CTNND2: variants seen among roughly 807,000 people sequenced by gnomAD.
CTNND2 encodes the protein catenin delta 2, also known as catenin delta-2.
Under a neutral mutation model 144.4 loss-of-function variants are expected in CTNND2, and 22 were observed. That is an observed-to-expected ratio of 0.15 (90% CI 0.11 to 0.22). CTNND2 has a LOEUF of 0.22. CTNND2 is among the 10% of genes least tolerant of loss of function. The pLI is 1.00. For synonymous variants in CTNND2, 751 were observed against 695.6 expected (o/e 1.08, Z -1.25); for missense variants, 1,353 against 1,618.8 (o/e 0.84, Z 2.82).
chr5:11,784,659 G>A (rs990959914), intron 1 of CTNND2, among the ~76,000 whole-genome samples: 2 of 152,216 alleles, frequency 1.3e-5, no homozygotes, highest in African/African-American at 4.8e-5. Context: ...AAGTGAACTG[G>A]TTTTAAAAAG....
Position 11,435,183 on chromosome 5 carries a change from G to A in CTNND2, c.288-23114C>T, listed in dbSNP as rs556631450. On this transcript the variant is annotated intron_variant, in intron 3 of 21. Transcript: ENST00000304623. ...AGACAGAGTCTCACTCTGTCACCCA[G>A]GATGGAGTACAGTGGCGCGATCACA... Among the ~76,000 whole-genome samples, 135 of 151,678 alleles carry A rather than the reference G, an allele frequency of 8.9e-4. 1 individual carries two copies. Among genetic ancestry groups the A allele is most frequent in the Admixed American group, 1.8e-3 (27 of 15,222 alleles).
At chr5:11,334,668 G>A (rs1430221824) in intron 9 of CTNND2, among the ~76,000 whole-genome samples, 1 of 152,134 alleles carries the variant, frequency 6.6e-6, no homozygotes, top group East Asian at 1.9e-4. Flanking sequence ...CAAAGATGGG[G>A]GAGCCACCCT....
chr5:11,685,798 T>C (rs1197895515), intron 2 of CTNND2, among the ~76,000 whole-genome samples: 2 of 152,218 alleles, frequency 1.3e-5, no homozygotes, highest in Admixed American at 6.5e-5. Context: ...GTGAGAATTA[T>C]TTCCCAGTCT....
intron 2 of CTNND2, among the ~76,000 whole-genome samples, chr5:11,573,621 G>A (rs1395005718): frequency 6.6e-6 from 1 of 152,170 alleles, no homozygotes; most frequent in Admixed American, 6.5e-5. Context: ...TCATTGGTGA[G>A]TCAGAAACTG....
intron 9 of CTNND2, among the ~76,000 whole-genome samples, chr5:11,284,385 T>A (rs917611440): frequency 6.6e-6 from 1 of 152,168 alleles, no homozygotes; most frequent in East Asian, 1.9e-4. Context: ...AGGCTCAACA[T>A]GCATTAGCTC....
chr5:11,431,503 G>T (rs1046961949), intron 3 of CTNND2, among the ~76,000 whole-genome samples: 6 of 152,146 alleles, frequency 3.9e-5, no homozygotes, highest in African/African-American at 1.2e-4. Flanking sequence ...GCATCTTAAG[G>T]CAAGGCTTAA....
intron 2 of CTNND2, among the ~76,000 whole-genome samples, chr5:11,680,336 C>G (rs1361745513): frequency 6.6e-6 from 1 of 152,128 alleles, no homozygotes; most frequent in Non-Finnish European, 1.5e-5. Flanking sequence ...CCCACCCACA[C>G]CCCCACATTT....
intron 2 of CTNND2, among the ~76,000 whole-genome samples, chr5:11,704,795 T>C (rs1400363386): frequency 6.6e-6 from 1 of 151,862 alleles, no homozygotes; most frequent in Non-Finnish European, 1.5e-5. Context: ...AAAAGCTGCC[T>C]ACATAAAGCA....
At chr5:11,007,964 A>G (rs1242611840) in intron 18 of CTNND2, among the ~76,000 whole-genome samples, 1 of 152,180 alleles carries the variant, frequency 6.6e-6, no homozygotes. Flanking sequence ...CTTGTCTCTA[A>G]AAGAAAAAGG....
At position 11,093,002 on chromosome 5, in the gene CTNND2, T is replaced by G. The variant is rs903703147; in HGVS notation, c.2637+5573A>C. Among the ~76,000 whole-genome samples the G allele has an allele frequency of 2.6e-5, 4 of 152,238 alleles. 1 individual carries two copies. Among genetic ancestry groups the G allele is most frequent in the Admixed American group, 2.6e-4 (4 of 15,286 alleles). On this transcript the variant is annotated intron_variant, in intron 15 of 21. Coordinates refer to ENST00000304623, the MANE Select transcript of CTNND2 (RefSeq NM_001332.4). ...AGTTCTCTTGCATTTTTTATTCATT[T>G]GGGGCACACGGCCAGAGATTCTGTT...
rs146910825 is a variant in CTNND2, at chr5:11,068,325, C to T, written c.2788+14371G>A. 3.9e-3 allele frequency among the ~76,000 whole-genome samples: 601 copies of T among 152,212 alleles called. 4 individuals are homozygous for T. The highest frequency in any genetic ancestry group is 0.012 in the African/African-American group (499 of 41,534). ...CTGGGTCAGGCTCAGGTGATTCCAC[C>T]GTGCATCCAACTTTAAGAATGGTGT... is the stretch of plus-strand genomic sequence containing the variant. On this transcript the variant is annotated intron_variant, in intron 16 of 21. Transcript: ENST00000304623.
chr5:11,450,695 C>T (rs978072870), intron 3 of CTNND2, among the ~76,000 whole-genome samples: 9 of 151,840 alleles, frequency 5.9e-5, no homozygotes, highest in South Asian at 4.2e-4. Context: ...GTCAGGAGAT[C>T]GAGACCATCC....
chr5:11,199,539 G>A lies in CTNND2; in HGVS notation c.1884C>T (p.Asn628=), dbSNP rs917378509. Residue 628 remains asparagine, a synonymous_variant, in exon 11 of 22, where the codon AAC becomes AAT. Coordinates refer to ENST00000304623, the MANE Select transcript of CTNND2 (RefSeq NM_001332.4). ...CACCACAGTTTTTCAGGGCAATTTTGTTATCATCGTTGGCCTTCCCATACA... is the reference window on the plus strand; with the variant it reads ...CACCACAGTTTTTCAGGGCAATTTTATTATCATCGTTGGCCTTCCCATACA... ...NLVYGKANDD[N]KIALKNCGGI... is the part of the protein sequence containing the mutation. 6 of 1,614,074 alleles carry A rather than the reference G, an allele frequency of 3.7e-6. No individual in the cohort carries two copies. In the African/African-American group the frequency reaches 8.0e-5, roughly 22 times the overall value.
chr5:11,789,105 T>C (rs1344908680), intron 1 of CTNND2, among the ~76,000 whole-genome samples: 1 of 152,094 alleles, frequency 6.6e-6, no homozygotes, highest in Non-Finnish European at 1.5e-5. Flanking sequence ...ATAGGAACAC[T>C]TTTACACTGT....
intron 14 of CTNND2, among the ~76,000 whole-genome samples, chr5:11,101,290 T>C (rs1429736666): frequency 6.6e-6 from 1 of 152,192 alleles, no homozygotes; most frequent in East Asian, 1.9e-4. Flanking sequence ...AGCTGTAACA[T>C]GACTGGACGT....
intron 9 of CTNND2, among the ~76,000 whole-genome samples, chr5:11,306,278 T>C (rs1460281625): frequency 6.6e-6 from 1 of 152,176 alleles, no homozygotes; most frequent in Non-Finnish European, 1.5e-5. Flanking sequence ...ATTCATGATA[T>C]ATTTTGGGGG....
chr5:11,720,533 C>G (rs1003936821), intron 2 of CTNND2, among the ~76,000 whole-genome samples: 2 of 152,122 alleles, frequency 1.3e-5, no homozygotes, highest in African/African-American at 2.4e-5. Context: ...CTACAGCCCC[C>G]CTTCCTGTCT....
chr5:11,760,754 T>C (rs4544821), intron 1 of CTNND2, among the ~76,000 whole-genome samples: 145,829 of 152,154 alleles, frequency 0.96, 70,179 homozygotes, highest in East Asian at 1. Context: ...AGTGAACACA[T>C]GTACAATTAA....
chr5:11,524,041 G>GA (rs1260813396), intron 3 of CTNND2, among the ~76,000 whole-genome samples: 1 of 152,064 alleles, frequency 6.6e-6, no homozygotes, highest in African/African-American at 2.4e-5. Flanking sequence ...GCTTGTTAAG[G>GA]AAAAAAGGCC....
Sources: allele counts gnomAD v4.1 joint callset (sites outside exome capture counted in the v4.1 genomes callset), GRCh38; gene constraint gnomAD v4.1.1; transcripts MANE v1.5; gene names NCBI Gene and HGNC (gene_info 2026-07-23, HGNC 2026-07-21).